SMOC2: variants seen among roughly 807,000 people sequenced by gnomAD.
The protein encoded by SMOC2 is SPARC related modular calcium binding 2.
SMOC2 carries 39 observed loss-of-function variants against 61.4 expected under a neutral mutation model. That is an observed-to-expected ratio of 0.64 (90% confidence interval 0.49 to 0.83). SMOC2 has a LOEUF of 0.83. Among genes scored for constraint, SMOC2 ranks in the 40% least tolerant of loss-of-function variants. The pLI, the probability that SMOC2 is intolerant of heterozygous loss-of-function variation, is 0.00. For synonymous variants in SMOC2, 247 were observed against 239.9 expected, an observed-to-expected ratio of 1.03 and a Z score of -0.27; for missense variants, 556 against 592.9, an observed-to-expected ratio of 0.94 and a Z score of 0.65.
At chr6:168,468,734 A>T (rs900733078) in intron 1 of SMOC2, among the ~76,000 whole-genome samples, 1 of 152,050 alleles carries the variant, frequency 6.6e-6, no homozygotes, top group Non-Finnish European at 1.5e-5. Flanking sequence ...GGGTTTCACC[A>T]TGTTGGCCAG....
At chr6:168,575,281 C>G (rs1784772301) in intron 7 of SMOC2, among the ~76,000 whole-genome samples, 1 of 152,204 alleles carries the variant, frequency 6.6e-6, no homozygotes, top group Non-Finnish European at 1.5e-5. Flanking sequence ...GAGCACTCAA[C>G]ATGCATTTCG....
intron 2 of SMOC2, 52 bp downstream of exon 2, chr6:168,510,138 A>G (rs745603303): frequency 1.3e-6 from 2 of 1,545,574 alleles, no homozygotes; most frequent in African/African-American, 1.4e-5. Context: ...CATCATCAAA[A>G]TGAATGCAAA....
intron 11 of SMOC2, among the ~76,000 whole-genome samples, chr6:168,663,299 C>T (rs951338343): frequency 2.0e-5 from 3 of 151,634 alleles, no homozygotes; most frequent in East Asian, 3.9e-4. Flanking sequence ...AGCCAGGAGA[C>T]GGACAGCACA....
intron 3 of SMOC2, among the ~76,000 whole-genome samples, chr6:168,527,342 G>A (rs1328185958): frequency 1.3e-5 from 2 of 152,208 alleles, no homozygotes; most frequent in African/African-American, 4.8e-5. Flanking sequence ...ATGAGGGCTA[G>A]GGCTCCATCT....
chr6:168,493,326 C>G (rs977934242), intron 1 of SMOC2, among the ~76,000 whole-genome samples: 1 of 152,140 alleles, frequency 6.6e-6, no homozygotes, highest in East Asian at 1.9e-4. Flanking sequence ...TGTGAGCCAC[C>G]ACACCTGGCC....
intron 1 of SMOC2, among the ~76,000 whole-genome samples, chr6:168,470,472 T>C (rs912907645): frequency 7.2e-5 from 11 of 152,094 alleles, no homozygotes; most frequent in Non-Finnish European, 1.5e-4. Context: ...TTCAAGAGTT[T>C]GAGACCAGCC....
intron 2 of SMOC2, among the ~76,000 whole-genome samples, chr6:168,510,425 T>C (rs1562562491): frequency 6.6e-6 from 1 of 152,228 alleles, no homozygotes; most frequent in Admixed American, 6.5e-5. Flanking sequence ...ATGTGTACAA[T>C]AGCACGTGTG....
At chr6:168,523,613 A>T (rs1783385499) in intron 2 of SMOC2, among the ~76,000 whole-genome samples, 1 of 150,780 alleles carries the variant, frequency 6.6e-6, no homozygotes, top group Non-Finnish European at 1.5e-5. Context: ...GTTAGCCAGG[A>T]TGGTCTTCAT....
chr6:168,600,437 AAAAAAAAACAG>A (rs1785520150), intron 8 of SMOC2, among the ~76,000 whole-genome samples: 1 of 124,814 alleles, frequency 8.0e-6, no homozygotes, highest in Non-Finnish European at 1.7e-5. Context: ...AAAAAAACAA[AAAAAAAAACAG>A]TAGTTTCAAC....
intron 1 of SMOC2, 141 bp downstream of exon 1, chr6:168,441,595 C>T: frequency 8.2e-7 from 1 of 1,224,048 alleles, no homozygotes; most frequent in Non-Finnish European, 1.1e-6. Flanking sequence ...GAGCCTTCGC[C>T]TGCCGGCGAG....
intron 4 of SMOC2, among the ~76,000 whole-genome samples, chr6:168,530,765 G>A (rs1583085123): frequency 6.6e-6 from 1 of 151,666 alleles, no homozygotes; most frequent in East Asian, 2.0e-4. Flanking sequence ...ACATCAGTTT[G>A]CCCCTTTGCA....
chr6:168,498,747 G>C (rs1351712240), intron 1 of SMOC2, among the ~76,000 whole-genome samples: 1 of 121,396 alleles, frequency 8.2e-6, no homozygotes, highest in Non-Finnish European at 2.0e-5. Flanking sequence ...AGGGCCCATA[G>C]CCTGTCTACT....
intron 7 of SMOC2, among the ~76,000 whole-genome samples, chr6:168,580,753 G>A (rs1473916427): frequency 1.3e-5 from 2 of 152,080 alleles, no homozygotes; most frequent in Non-Finnish European, 2.9e-5. Flanking sequence ...ATGTTGCCCA[G>A]GCTGGTCTCA....
intron 7 of SMOC2, among the ~76,000 whole-genome samples, chr6:168,563,921 G>A (rs541595423): frequency 1.8e-4 from 28 of 152,200 alleles, no homozygotes; most frequent in African/African-American, 6.3e-4. Flanking sequence ...TGCAGGGGGC[G>A]GGGGCGGGTG....
intron 1 of SMOC2, among the ~76,000 whole-genome samples, chr6:168,454,266 G>A (rs73791026): frequency 0.049 from 7,402 of 152,168 alleles, 615 homozygotes; most frequent in African/African-American, 0.17. Context: ...AGGCCCAAGG[G>A]CTCTGTGGCT....
At chr6:168,462,521 C>T (rs1781739529) in intron 1 of SMOC2, among the ~76,000 whole-genome samples, 1 of 151,960 alleles carries the variant, frequency 6.6e-6, no homozygotes. Flanking sequence ...CCCTGTCCTC[C>T]CAGCAGGTCC....
chr6:168,507,003 T>C (rs1205682484), intron 1 of SMOC2, among the ~76,000 whole-genome samples: 2 of 152,244 alleles, frequency 1.3e-5, no homozygotes, highest in African/African-American at 2.4e-5. Context: ...GGGAGAAACA[T>C]GTCCATAACC....
At chr6:168,560,028 G>C (rs895326165) in intron 7 of SMOC2, among the ~76,000 whole-genome samples, 3 of 152,244 alleles carry the variant, frequency 2.0e-5, no homozygotes, top group African/African-American at 7.2e-5. Flanking sequence ...TGTGGTGCAT[G>C]AATGTGCACA....
chr6:168,530,105 G>A (rs907303186), intron 4 of SMOC2, among the ~76,000 whole-genome samples: 1 of 152,176 alleles, frequency 6.6e-6, no homozygotes, highest in Non-Finnish European at 1.5e-5. Context: ...ATAAAAATTT[G>A]AAAATCAGAC....
Sources: gnomAD v4.1 joint callset for allele counts (sites outside exome capture counted in the v4.1 genomes callset) on GRCh38, gnomAD v4.1.1 for gene constraint, MANE v1.5 for transcripts, NCBI Gene and HGNC (gene_info 2026-07-23, HGNC 2026-07-21) for gene names.